ZCCHC10: variants seen among roughly 807,000 people sequenced by gnomAD.
The protein encoded by ZCCHC10 is zinc finger CCHC domain-containing protein 10.
In ZCCHC10, 16 loss-of-function variants were observed where a neutral mutation model predicts 19.5. The ratio of observed to expected loss-of-function variants is 0.82; its 90% CI spans 0.56 to 1.25. The LOEUF is 1.25. Ranked by LOEUF, ZCCHC10 falls within the 50% of genes most tolerant of loss-of-function variation. The probability of loss-of-function intolerance (pLI) is 0.00; values close to 1 mark genes in which losing one functional copy is unlikely to be tolerated. For synonymous variants in ZCCHC10, 67 were observed against 72.5 expected (o/e 0.92, Z 0.38); for missense variants, 197 against 201.0 (o/e 0.98, Z 0.12).
intron 1 of ZCCHC10, among the ~76,000 whole-genome samples, chr5:133,025,513 A>C (rs1009757294): frequency 7.1e-6 from 1 of 141,154 alleles, no homozygotes; most frequent in South Asian, 2.2e-4. Flanking sequence ...CAAAAAAAAA[A>C]AAAAAAAAAA....
At position 133,020,478 on chromosome 5, in the gene ZCCHC10, C is replaced by CTGAATGTAG. The variant is rs529058638; in HGVS notation, c.107+2354_107+2362dup. Among the ~76,000 whole-genome samples the CTGAATGTAG allele has an allele frequency of 5.4e-4, 82 of 151,656 alleles. 2 individuals are homozygous for CTGAATGTAG. In the South Asian group the frequency reaches 0.015, roughly 29 times the overall value. On this transcript the variant is annotated intron_variant, in intron 2 of 4. Coordinates refer to ENST00000509437, the MANE Select transcript of ZCCHC10 (RefSeq NM_001300816.3). ...TAAATAAAAAAATAAAATAAAATTG[C>CTGAATGTAG]TGAATGTAGTGGGTTGCAGCTGTAG...
chr5:133,013,757 A>C (rs1460884215), intron 2 of ZCCHC10, among the ~76,000 whole-genome samples: 2 of 151,776 alleles, frequency 1.3e-5, no homozygotes, highest in Non-Finnish European at 2.9e-5. Flanking sequence ...AGAAACATCC[A>C]TCCACTATTG....
intron 1 of ZCCHC10, among the ~76,000 whole-genome samples, chr5:133,025,971 AAATT>A (rs1764675665): frequency 1.3e-5 from 2 of 152,246 alleles, no homozygotes; most frequent in African/African-American, 4.8e-5. Flanking sequence ...GGAACTAAAT[AAATT>A]AATATTTATT....
intron 2 of ZCCHC10, among the ~76,000 whole-genome samples, chr5:133,014,479 G>C (rs765148785): frequency 9.2e-5 from 14 of 151,950 alleles, no homozygotes; most frequent in Non-Finnish European, 1.9e-4. Context: ...TTATTCTTTA[G>C]ACCACACCTA....
At chr5:133,001,071 T>G (rs1200578317) in intron 3 of ZCCHC10, among the ~76,000 whole-genome samples, 2 of 152,002 alleles carry the variant, frequency 1.3e-5, no homozygotes, top group African/African-American at 4.8e-5. Context: ...TCAAACAACA[T>G]GCATACTAAA....
intron 2 of ZCCHC10, among the ~76,000 whole-genome samples, chr5:133,020,759 C>A (rs1764252655): frequency 6.6e-6 from 1 of 151,838 alleles, no homozygotes; most frequent in African/African-American, 2.4e-5. Context: ...CTCACTCTGT[C>A]ACCCAGGCTG....
chr5:133,022,641 T>C (rs1764395527), intron 2 of ZCCHC10, among the ~76,000 whole-genome samples, 200 bp downstream of exon 2: 1 of 151,884 alleles, frequency 6.6e-6, no homozygotes, highest in Admixed American at 6.6e-5. Flanking sequence ...TTTGTAGAGA[T>C]GGGGTTTCAA....
chr5:133,003,079 TG>T, intron 3 of ZCCHC10: 1 of 271,410 alleles, frequency 3.7e-6, no homozygotes, highest in Non-Finnish European at 7.3e-6. Flanking sequence ...GTGGCTAGGC[TG>T]GTTGTCTCCT....
chr5:133,020,903 AT>A (rs1045900460), intron 2 of ZCCHC10, among the ~76,000 whole-genome samples: 99 of 106,692 alleles, frequency 9.3e-4, no homozygotes, highest in African/African-American at 3.0e-3. Flanking sequence ...TGTATTTATT[AT>A]TTTTTTTTTC....
rs117414771 is a variant in ZCCHC10 at position 133,006,235 on chromosome 5, C to T, written c.269+524G>A. On this transcript the variant is annotated intron_variant, in intron 3 of 4. Transcript: ENST00000509437. ...AAGTGTTGGGATTATAGGTGTGAGC[C>T]ACCCCGCCCAGCCAATTCTTCTTTT... is the stretch of plus-strand genomic sequence containing the variant. 2.0e-5 allele frequency among the ~76,000 whole-genome samples: 3 copies of T among 152,178 alleles called. No individual in the cohort carries two copies. In the East Asian group the frequency reaches 5.8e-4, roughly 29 times the overall value.
Position 133,026,150 on chromosome 5 carries a change from T to C in ZCCHC10, c.41+347A>G, listed in dbSNP as rs150968698. 6.9e-3 allele frequency among the ~76,000 whole-genome samples: 1,045 copies of C among 152,260 alleles called. 15 individuals are homozygous for C. The highest frequency in any genetic ancestry group is 0.023 in the African/African-American group (950 of 41,562). On this transcript the variant is annotated intron_variant, in intron 1 of 4. Transcript: ENST00000509437. ...AGGTTTACGTCGGCTGGAATAAAGG[T>C]GTCGGACCGGGGCTTCAGGGCTCCC...
chr5:132,999,403 A>G (rs922152269), intron 4 of ZCCHC10, among the ~76,000 whole-genome samples: 1 of 152,220 alleles, frequency 6.6e-6, no homozygotes, highest in Non-Finnish European at 1.5e-5. Flanking sequence ...CATATCTACT[A>G]TATTACATTT....
chr5:133,009,251 C>A (rs1268202938), intron 2 of ZCCHC10, among the ~76,000 whole-genome samples: 1 of 151,970 alleles, frequency 6.6e-6, no homozygotes, highest in Middle Eastern at 3.2e-3. Flanking sequence ...GATCCACCTA[C>A]TTCGGCCTCC....
chr5:133,021,473 C>T (rs1039179091), intron 2 of ZCCHC10, among the ~76,000 whole-genome samples: 2 of 152,154 alleles, frequency 1.3e-5, no homozygotes, highest in African/African-American at 2.4e-5. Context: ...TACATAAGCA[C>T]GGATCAGAAA....
intron 2 of ZCCHC10, 104 bp from the exon 3 acceptor site, chr5:133,007,024 G>A (rs1346604465): frequency 2.7e-6 from 3 of 1,098,158 alleles, no homozygotes; most frequent in East Asian, 2.7e-5. Context: ...TTACTCTTAT[G>A]GTCCAATTCA....
At chr5:133,014,151 ACT>A (rs1763759660) in intron 2 of ZCCHC10, among the ~76,000 whole-genome samples, 7 of 122,602 alleles carry the variant, frequency 5.7e-5, no homozygotes, top group South Asian at 5.0e-4. Flanking sequence ...CCTACTATTT[ACT>A]CTTTTTTTTT....
intron 3 of ZCCHC10, among the ~76,000 whole-genome samples, chr5:133,005,270 T>C (rs1415370036): frequency 6.6e-6 from 1 of 151,660 alleles, no homozygotes; most frequent in East Asian, 2.0e-4. Flanking sequence ...CACTCCAGCC[T>C]GGGTGACAGA....
chr5:133,015,691 G>T (rs903556696), intron 2 of ZCCHC10, among the ~76,000 whole-genome samples: 11 of 152,136 alleles, frequency 7.2e-5, no homozygotes, highest in Non-Finnish European at 1.2e-4. Flanking sequence ...GATAACTGCT[G>T]CCCCTGCCAA....
chr5:133,010,313 T>C (rs1763414687), intron 2 of ZCCHC10, among the ~76,000 whole-genome samples: 1 of 152,014 alleles, frequency 6.6e-6, no homozygotes, highest in South Asian at 2.1e-4. Context: ...CCTCACAAAG[T>C]GCTAGGATTA....
Sources: allele counts gnomAD v4.1 joint callset (sites outside exome capture counted in the v4.1 genomes callset), GRCh38; gene constraint gnomAD v4.1.1; transcripts MANE v1.5; gene names NCBI Gene and HGNC (gene_info 2026-07-23, HGNC 2026-07-21).